The following SCHIP1 variants were observed in gnomAD, a reference collection of about 807,000 sequenced individuals.
The protein encoded by SCHIP1 is schwannomin interacting protein 1.
A neutral mutation model predicts 29.7 loss-of-function variants in SCHIP1; 8 were observed. That is an observed-to-expected ratio of 0.27 (90% confidence interval 0.16 to 0.49). SCHIP1 has a LOEUF of 0.49. Ranked by LOEUF, SCHIP1 falls within the 20% of genes least tolerant of loss-of-function variation. SCHIP1 has a pLI of 0.99. For synonymous variants in SCHIP1, 76 were observed against 94.9 expected, an observed-to-expected ratio of 0.80 and a Z score of 1.16; for missense variants, 193 against 294.6, an observed-to-expected ratio of 0.66 and a Z score of 2.52.
the SCHIP1 span, among the ~76,000 whole-genome samples, chr3:159,321,212 A>G: frequency 0.053 from 7,990 of 152,170 alleles, 543 homozygotes; most frequent in African/African-American, 0.16. Context: ...TGATCTGCCC[A>G]CCTTGGCCTC....
At chr3:159,703,979 C>T in the SCHIP1 span, among the ~76,000 whole-genome samples, 90 of 152,276 alleles carry the variant, frequency 5.9e-4, 1 homozygote, top group East Asian at 0.015. Flanking sequence ...TCCTTGTCTG[C>T]ATCAAATAAC....
At chr3:159,459,108 T>C in the SCHIP1 span, among the ~76,000 whole-genome samples, 1 of 152,174 alleles carries the variant, frequency 6.6e-6, no homozygotes, top group Non-Finnish European at 1.5e-5. Context: ...TTTTTGATTA[T>C]GCAATATATA....
the SCHIP1 span, among the ~76,000 whole-genome samples, chr3:159,368,361 C>T: frequency 1.3e-5 from 2 of 152,200 alleles, no homozygotes; most frequent in African/African-American, 2.4e-5. Flanking sequence ...ACCTCCACCA[C>T]ATTTATTCTC....
the SCHIP1 span, among the ~76,000 whole-genome samples, chr3:159,601,166 G>T: frequency 6.6e-6 from 1 of 152,166 alleles, no homozygotes; most frequent in Admixed American, 6.5e-5. Flanking sequence ...CAGGTGCCTT[G>T]CTCATCTGCC....
chr3:159,412,479 C>T, the SCHIP1 span, among the ~76,000 whole-genome samples: 1 of 152,182 alleles, frequency 6.6e-6, no homozygotes, highest in Non-Finnish European at 1.5e-5. Context: ...AGAATTTTAA[C>T]ATCAGTTTGT....
chr3:159,395,306 T>G, the SCHIP1 span, among the ~76,000 whole-genome samples: 7 of 152,334 alleles, frequency 4.6e-5, no homozygotes, highest in Admixed American at 1.3e-4. Flanking sequence ...GGGTTTTTTG[T>G]GTCTCTATTT....
chr3:159,395,954 C>G, the SCHIP1 span, among the ~76,000 whole-genome samples: 1 of 151,974 alleles, frequency 6.6e-6, no homozygotes, highest in African/African-American at 2.4e-5. Flanking sequence ...TGTGGGAGTC[C>G]AAGTCTCTTT....
the SCHIP1 span, among the ~76,000 whole-genome samples, chr3:159,620,218 GC>G: frequency 1.3e-5 from 2 of 152,082 alleles, no homozygotes; most frequent in Non-Finnish European, 2.9e-5. Flanking sequence ...CATGTGAAGG[GC>G]CCTATAAAAA....
the SCHIP1 span, among the ~76,000 whole-genome samples, chr3:159,466,795 A>T: frequency 6.6e-6 from 1 of 152,146 alleles, no homozygotes; most frequent in African/African-American, 2.4e-5. Flanking sequence ...ATAAAAGAGC[A>T]GTCATCTGTT....
chr3:159,659,261 C>T, the SCHIP1 span, among the ~76,000 whole-genome samples: 2 of 152,162 alleles, frequency 1.3e-5, no homozygotes, highest in African/African-American at 4.8e-5. Context: ...GGTTTCAGGA[C>T]CCTTCATGCT....
chr3:159,439,872 C>T, the SCHIP1 span, among the ~76,000 whole-genome samples: 2 of 152,238 alleles, frequency 1.3e-5, no homozygotes, highest in African/African-American at 4.8e-5. Context: ...TGTGCAGAAG[C>T]TCATTAGTTT....
chr3:159,754,211 C>A, the SCHIP1 span, among the ~76,000 whole-genome samples: 1 of 152,186 alleles, frequency 6.6e-6, no homozygotes, highest in Admixed American at 6.5e-5. Context: ...AACATGTTAT[C>A]AAATATCATT....
the SCHIP1 span, among the ~76,000 whole-genome samples, chr3:159,734,174 GCT>G: frequency 9.2e-6 from 1 of 108,864 alleles, no homozygotes; most frequent in East Asian, 2.6e-4. Flanking sequence ...AGGGAGTCTT[GCT>G]CTGTCGCCCA....
At chr3:159,734,429 A>G in the SCHIP1 span, among the ~76,000 whole-genome samples, 1 of 152,112 alleles carries the variant, frequency 6.6e-6, no homozygotes, top group East Asian at 1.9e-4. Flanking sequence ...TATGAGCCAC[A>G]GTGCCCAGCC....
the SCHIP1 span, among the ~76,000 whole-genome samples, chr3:159,696,807 G>A: frequency 6.6e-6 from 1 of 152,234 alleles, no homozygotes; most frequent in Non-Finnish European, 1.5e-5. Flanking sequence ...ACCAGGAAAA[G>A]AGATCAGCCC....
chr3:159,335,321 T>G, the SCHIP1 span, among the ~76,000 whole-genome samples: 1 of 152,154 alleles, frequency 6.6e-6, no homozygotes, highest in Non-Finnish European at 1.5e-5. Context: ...TCTCTTTTAG[T>G]TTAGTCATTC....
At chr3:159,867,970 G>T (rs868822779) in intron 2 of SCHIP1, among the ~76,000 whole-genome samples, 1 of 143,852 alleles carries the variant, frequency 7.0e-6, no homozygotes, top group Admixed American at 7.0e-5. Flanking sequence ...TTGAAAATCA[G>T]TGATTTATAT....
At chr3:159,459,684 G>T in the SCHIP1 span, among the ~76,000 whole-genome samples, 1 of 152,100 alleles carries the variant, frequency 6.6e-6, no homozygotes. Flanking sequence ...AACTAAAACA[G>T]AATTATTGCT....
the SCHIP1 span, among the ~76,000 whole-genome samples, chr3:159,477,325 C>T: frequency 6.6e-6 from 1 of 152,058 alleles, no homozygotes; most frequent in Non-Finnish European, 1.5e-5. Flanking sequence ...ATTGCTGAAT[C>T]ATATGATATT....
Sources: gnomAD v4.1 joint callset for allele counts (sites outside exome capture counted in the v4.1 genomes callset) on GRCh38, gnomAD v4.1.1 for gene constraint, MANE v1.5 for transcripts, NCBI Gene and HGNC (gene_info 2026-07-23, HGNC 2026-07-21) for gene names.